The following PPP4R1 variants were observed in gnomAD, a reference collection of about 807,000 sequenced individuals.
PPP4R1 encodes the protein protein phosphatase 4 regulatory subunit 1, also known as serine/threonine-protein phosphatase 4 regulatory subunit 1.
Under a neutral mutation model 111.2 loss-of-function variants are expected in PPP4R1, and 42 were observed. That is an observed-to-expected ratio of 0.38 (90% CI 0.29 to 0.49). PPP4R1 has a LOEUF of 0.49. Among genes scored for constraint, PPP4R1 ranks in the 20% least tolerant of loss-of-function variants. PPP4R1 has a pLI of 0.97. For synonymous variants in PPP4R1, 409 were observed against 405.5 expected (o/e 1.01, Z -0.10); for missense variants, 1,012 against 1,161.6 (o/e 0.87, Z 1.87).
At chr18:9,557,121 T>C (rs2066600115) in intron 15 of PPP4R1, 100 bp downstream of exon 15, 11 of 1,191,060 alleles carry the variant, frequency 9.2e-6, no homozygotes, top group South Asian at 1.7e-5. Flanking sequence ...TTTTCTTACA[T>C]AGAAACACAA....
chr18:9,584,821 C>A lies in PPP4R1; in HGVS notation c.593G>T (p.Cys198Phe). The change falls in exon 7 of 20, where the codon TGC becomes TTC. Residue 198 changes from cysteine to phenylalanine, a missense_variant. Around this residue, in one of 2 missense-constraint regions of PPP4R1, gnomAD observed 707 missense variants for 742.1 expected, o/e 0.95. Coordinates refer to ENST00000400556, the MANE Select transcript of PPP4R1 (RefSeq NM_001042388.3). Reference sequence around the variant, plus strand: ...CTTCCCAACCATGGGAGCCATTTTGCACATTATCTAAAATAAGTAAGAACA... The same window carrying A: ...CTTCCCAACCATGGGAGCCATTTTGAACATTATCTAAAATAAGTAAGAACA... ...DVKTEAVAIM[C>F]KMAPMVGKDI... is the part of the protein sequence containing the mutation. The A allele has an allele frequency of 6.2e-7, 1 of 1,609,102 alleles. No individual in the cohort carries two copies. Among genetic ancestry groups the A allele is most frequent in the Non-Finnish European group, 8.5e-7 (1 of 1,176,628 alleles).
chr18:9,595,564 G>C (rs1329591273), intron 2 of PPP4R1, among the ~76,000 whole-genome samples: 1 of 152,076 alleles, frequency 6.6e-6, no homozygotes, highest in Non-Finnish European at 1.5e-5. Context: ...CTTAATAGAA[G>C]AAAGCTAAAA....
At chr18:9,550,554 A>G (rs2066472691) in intron 16 of PPP4R1, 156 bp from the exon 17 acceptor site, 1 of 769,486 alleles carries the variant, frequency 1.3e-6, no homozygotes, top group Admixed American at 3.0e-5. Flanking sequence ...CTGTACAGTT[A>G]CCTCCAGTCT....
upstream of PPP4R1, chr18:9,614,661 T>TCCCGGCCGCCCGGGCC (rs1318529993): frequency 3.4e-5 from 5 of 145,366 alleles, no homozygotes; most frequent in Non-Finnish European, 5.5e-5. This position sits in a 1 kb window ranked among gnomAD's most constrained non-coding sequence, Gnocchi z 4.1. Context: ...GCGGCGCGGC[T>TCCCGGCCGCCCGGGCC]CCCGGCCGCC....
At chr18:9,612,207 T>G (rs1047782071) in intron 2 of PPP4R1, among the ~76,000 whole-genome samples, 5 of 152,188 alleles carry the variant, frequency 3.3e-5, no homozygotes, top group African/African-American at 1.2e-4. Flanking sequence ...CACTAACTCA[T>G]GTACAGCCTT....
intron 16 of PPP4R1, 65 bp from the exon 17 acceptor site, chr18:9,550,463 CCAT>C: frequency 6.7e-7 from 1 of 1,493,142 alleles, no homozygotes. Flanking sequence ...AATAGGTTAC[CCAT>C]TTAAATCATC....
chr18:9,563,218 G>T, intron 12 of PPP4R1, 160 bp downstream of exon 12: 3 of 1,205,682 alleles, frequency 2.5e-6, no homozygotes, highest in Non-Finnish European at 3.3e-6. Context: ...CACGAGGACA[G>T]GATGTGATGA....
At position 9,578,554 on chromosome 18, in the gene PPP4R1, T is replaced by TA. The variant is rs58206099; in HGVS notation, c.919-1364dup. Among the ~76,000 whole-genome samples the TA allele has an allele frequency of 3.6e-3, 493 of 135,800 alleles. 6 individuals carry two copies. Among genetic ancestry groups the TA allele is most frequent in the East Asian group, 9.7e-3 (46 of 4,764 alleles). The allele number at this position is 135,800 out of a possible 152,430, so 89.1% of individuals were successfully genotyped here. On this transcript the variant is annotated intron_variant, in intron 9 of 19. Coordinates refer to ENST00000400556, the MANE Select transcript of PPP4R1 (RefSeq NM_001042388.3). ...GCTCCTGGCTAGCATTTCTTTTCTTTAAAAAAAAAAAAAAAGCATAATAAT... is the reference window on the plus strand; with the variant it reads ...GCTCCTGGCTAGCATTTCTTTTCTTTAAAAAAAAAAAAAAAAGCATAATAAT...
chr18:9,589,021 A>G (rs1040473619), intron 4 of PPP4R1, among the ~76,000 whole-genome samples, 168 bp from the exon 5 acceptor site: 11 of 152,246 alleles, frequency 7.2e-5, no homozygotes, highest in Non-Finnish European at 1.0e-4. Flanking sequence ...TACACAGATC[A>G]ATCCCATGAG....
At chr18:9,549,036 A>G (rs960155676) in intron 19 of PPP4R1, among the ~76,000 whole-genome samples, 161 bp downstream of exon 19, 3 of 152,252 alleles carry the variant, frequency 2.0e-5, no homozygotes, top group African/African-American at 7.2e-5. Context: ...TTCATCTTCC[A>G]TGCCCTCTTG....
chr18:9,570,813 C>G, intron 10 of PPP4R1, 130 bp from the exon 11 acceptor site: 1 of 994,112 alleles, frequency 1.0e-6, no homozygotes, highest in Non-Finnish European at 1.4e-6. Flanking sequence ...TCTGTACAAA[C>G]TGAGTTTATG....
chr18:9,556,196 T>C (rs2066580774), intron 15 of PPP4R1, among the ~76,000 whole-genome samples: 1 of 151,146 alleles, frequency 6.6e-6, no homozygotes, highest in Non-Finnish European at 1.5e-5. Flanking sequence ...TCAATGTTTT[T>C]GTTTTTTACT....
At chr18:9,548,097 G>C in intron 19 of PPP4R1, 145 bp from the exon 20 acceptor site, 1 of 790,636 alleles carries the variant, frequency 1.3e-6, no homozygotes, top group Non-Finnish European at 1.9e-6. Context: ...AATCCAAACT[G>C]ATTTGTTATA....
rs187144593 is a variant in PPP4R1, at chr18:9,606,430, A to G, written c.52+7796T>C. Among the ~76,000 whole-genome samples the G allele has an allele frequency of 1.8e-4, 27 of 152,360 alleles. 1 individual carries two copies. The East Asian group carries it at 4.8e-3, about 27-fold the overall frequency. Reference sequence around the variant, plus strand: ...AAAGATCATATGGTCCACAAAACCTAAACTATTTAATATTTGGCCTTTTAC... The same window carrying G: ...AAAGATCATATGGTCCACAAAACCTGAACTATTTAATATTTGGCCTTTTAC... On this transcript the variant is annotated intron_variant, in intron 2 of 19. Coordinates refer to ENST00000400556, the MANE Select transcript of PPP4R1 (RefSeq NM_001042388.3).
chr18:9,563,534 C>T lies in PPP4R1; in HGVS notation c.1590G>A (p.Leu530=), dbSNP rs776662113. 17 of 1,593,814 alleles carry T rather than the reference C, an allele frequency of 1.1e-5. No homozygotes were observed. The highest frequency in any genetic ancestry group is 1.4e-5 in the Non-Finnish European group (16 of 1,170,074). The change falls in exon 12 of 20, where the codon CTG becomes CTA. Residue 530 remains leucine, a synonymous_variant. Transcript: ENST00000400556. ...DPDVKAQVEV[L]SAALRASSLD... is the part of the protein sequence containing the mutation. ...GGCTGGAAGCACGTAGTGCAGCGGA[C>T]AGCACTTCCACTTGTGCTACAGGCA...
chr18:9,574,981 G>A (rs1458354935), intron 10 of PPP4R1, among the ~76,000 whole-genome samples: 7 of 152,296 alleles, frequency 4.6e-5, no homozygotes, highest in South Asian at 2.1e-4. Context: ...TGAGAAGTAG[G>A]CTTTATCAGC....
Position 9,549,959 on chromosome 18 carries a change from G to GT in PPP4R1, c.2547+92dup, listed in dbSNP as rs1307847592. 12 of 1,531,938 alleles carry GT rather than the reference G, an allele frequency of 7.8e-6. No individual in the cohort carries two copies. The East Asian group carries it at 2.5e-4, about 32-fold the overall frequency. 94.9% of individuals were successfully genotyped at this position (1,531,938 alleles called of 1,614,324 possible). A position where few individuals can be genotyped will look rare whatever the true frequency, so the allele number is the denominator to read the frequency against. On this transcript the variant is annotated intron_variant, in intron 18 of 19. Transcript: ENST00000400556. ...TACTATAAGGTTCTGTTCCTTAAGA[G>GT]TAAGGAAGAGGGTGAGAGAGAGGTA... is the stretch of plus-strand genomic sequence containing the variant.
intron 15 of PPP4R1, among the ~76,000 whole-genome samples, chr18:9,554,627 A>G (rs762476153): frequency 6.6e-6 from 1 of 151,894 alleles, no homozygotes; most frequent in Non-Finnish European, 1.5e-5. Context: ...CTATCTCCTG[A>G]AAAGACCTAA....
At chr18:9,613,331 T>G (rs556287476) in intron 2 of PPP4R1, among the ~76,000 whole-genome samples, 3 of 152,260 alleles carry the variant, frequency 2.0e-5, no homozygotes, top group Non-Finnish European at 4.4e-5. Context: ...TAACTGCAAT[T>G]TGTCACTTCT....
Sources: gnomAD v4.1 joint callset for allele counts (sites outside exome capture counted in the v4.1 genomes callset) on GRCh38, gnomAD v4.1.1 for gene constraint, gnomAD v4.1.1 regional missense constraint, Gnocchi (gnomAD v3.1) non-coding constraint, MANE v1.5 for transcripts, NCBI Gene and HGNC (gene_info 2026-07-23, HGNC 2026-07-21) for gene names.